SUPT3H: variants seen among roughly 807,000 people sequenced by gnomAD.
SUPT3H encodes the protein SPT3 homolog, SAGA and STAGA complex component.
SUPT3H carries 44 observed loss-of-function variants against 44.3 expected under a neutral mutation model. The observed-to-expected ratio is 0.99, with a 90% CI of 0.78 to 1.28. SUPT3H has a LOEUF of 1.28. SUPT3H is among the 50% of genes most tolerant of loss of function. SUPT3H has a pLI of 0.00. For synonymous variants in SUPT3H, 124 were observed against 125.6 expected (o/e 0.99, Z 0.09); for missense variants, 380 against 387.1 (o/e 0.98, Z 0.15).
intron 2 of SUPT3H, among the ~76,000 whole-genome samples, chr6:45,289,368 A>G (rs1361988143): frequency 2.0e-5 from 3 of 152,152 alleles, no homozygotes; most frequent in Non-Finnish European, 2.9e-5. Flanking sequence ...TTGAAATTAT[A>G]AAGTACTATA....
At chr6:44,976,430 T>G (rs1308082014) in intron 6 of SUPT3H, among the ~76,000 whole-genome samples, 1 of 152,012 alleles carries the variant, frequency 6.6e-6, no homozygotes, top group East Asian at 1.9e-4. Flanking sequence ...GGCGCAATCT[T>G]GGCTCACTGC....
intron 10 of SUPT3H, among the ~76,000 whole-genome samples, chr6:44,900,363 C>G (rs1400464056): frequency 2.0e-5 from 3 of 152,360 alleles, no homozygotes; most frequent in Admixed American, 1.3e-4. Context: ...AAACGGCACA[C>G]CAGGAGATTA....
chr6:44,932,375 T>C (rs1216755090), intron 10 of SUPT3H, among the ~76,000 whole-genome samples: 2 of 152,176 alleles, frequency 1.3e-5, no homozygotes, highest in Non-Finnish European at 2.9e-5. Flanking sequence ...AATAACGTTT[T>C]ATAAACCTAA....
intron 2 of SUPT3H, among the ~76,000 whole-genome samples, chr6:45,269,267 T>C (rs1775737165): frequency 6.6e-6 from 1 of 152,226 alleles, no homozygotes; most frequent in African/African-American, 2.4e-5. Flanking sequence ...TTGGAGCCTT[T>C]AATATGGTAC....
intron 6 of SUPT3H, among the ~76,000 whole-genome samples, chr6:44,981,091 T>C (rs1222878220): frequency 2.0e-5 from 3 of 152,200 alleles, no homozygotes; most frequent in African/African-American, 7.2e-5. Context: ...GGATCACTGC[T>C]ACTGACATGT....
intron 9 of SUPT3H, among the ~76,000 whole-genome samples, chr6:44,947,336 T>G (rs775295284): frequency 6.6e-6 from 1 of 152,128 alleles, no homozygotes; most frequent in Non-Finnish European, 1.5e-5. Context: ...AAACATATTA[T>G]GTAAACAGCA....
At position 45,305,034 on chromosome 6, in the gene SUPT3H, C is replaced by T. The variant is rs1001610471; in HGVS notation, c.101+60167G>A. ...CACAGAGGAATAGGCATTTTCTTCA[C>T]GCTTTTATATTTGCTTATTCGTTTG... On this transcript the variant is annotated intron_variant, in intron 2 of 10. Transcript: ENST00000371459. Among the ~76,000 whole-genome samples, 10 of 152,168 alleles carry T rather than the reference C, an allele frequency of 6.6e-5. No individual in the cohort carries two copies. The South Asian group carries it at 8.3e-4, about 13-fold the overall frequency.
At chr6:44,904,574 C>T (rs1384103155) in intron 10 of SUPT3H, among the ~76,000 whole-genome samples, 1 of 152,166 alleles carries the variant, frequency 6.6e-6, no homozygotes, top group Admixed American at 6.5e-5. Context: ...GAATCAATAT[C>T]ATGAAAATGG....
chr6:45,324,580 G>A (rs1786052494), intron 2 of SUPT3H, among the ~76,000 whole-genome samples: 1 of 151,662 alleles, frequency 6.6e-6, no homozygotes, highest in African/African-American at 2.4e-5. Context: ...GGAAAGAGGA[G>A]GAATGGGGGA....
chr6:45,304,531 A>G lies in SUPT3H; in HGVS notation c.101+60670T>C, dbSNP rs527454260. ...GGCTAGTATCATTTTCTAAAACTAA[A>G]CAGACTGTTAGCAGAAGTTATTTCA... On this transcript the variant is annotated intron_variant, in intron 2 of 10. Transcript: ENST00000371459. Among the ~76,000 whole-genome samples the G allele has an allele frequency of 2.6e-3, 398 of 152,328 alleles. 1 individual carries two copies. The highest frequency in any genetic ancestry group is 9.3e-3 in the African/African-American group (388 of 41,576).
chr6:45,088,408 T>C (rs543396899), intron 3 of SUPT3H, among the ~76,000 whole-genome samples: 20 of 152,162 alleles, frequency 1.3e-4, no homozygotes, highest in African/African-American at 4.1e-4. Flanking sequence ...CAAAAAATTT[T>C]TTGGCTGCCA....
chr6:45,050,278 A>AGTGTGTGTGTGTGTGT (rs57510967), intron 3 of SUPT3H, among the ~76,000 whole-genome samples: 3,387 of 147,374 alleles, frequency 0.023, 58 homozygotes, highest in South Asian at 0.064. Flanking sequence ...CTTTTTCTGC[A>AGTGTGTGTGTGTGTGT]GTGTGTGTGT....
chr6:45,265,922 A>G (rs555085043), intron 2 of SUPT3H, among the ~76,000 whole-genome samples: 8 of 152,210 alleles, frequency 5.3e-5, no homozygotes, highest in African/African-American at 1.9e-4. Context: ...AAAGTGATCA[A>G]AAAGAAACTC....
intron 10 of SUPT3H, among the ~76,000 whole-genome samples, chr6:44,832,569 C>A (rs1769016321): frequency 6.6e-6 from 1 of 152,188 alleles, no homozygotes; most frequent in Non-Finnish European, 1.5e-5. Context: ...TTCTCAACAT[C>A]AGTTGCTCCT....
intron 10 of SUPT3H, among the ~76,000 whole-genome samples, chr6:44,874,948 T>C (rs549140591): frequency 0.019 from 2,478 of 128,030 alleles, 27 homozygotes; most frequent in Non-Finnish European, 0.03. Context: ...TTACAAGGGA[T>C]GTGAAGGACC....
At chr6:45,051,143 C>T (rs899187315) in intron 3 of SUPT3H, among the ~76,000 whole-genome samples, 1 of 152,148 alleles carries the variant, frequency 6.6e-6, no homozygotes, top group Admixed American at 6.6e-5. Context: ...CCCGCCTCGG[C>T]CTCCCAAAGT....
chr6:45,013,166 C>T (rs1208157704), intron 5 of SUPT3H, among the ~76,000 whole-genome samples: 1 of 151,970 alleles, frequency 6.6e-6, no homozygotes, highest in African/African-American at 2.4e-5. Context: ...ATGTTGCCAG[C>T]CTTTAAGTTT....
rs142672141 is a variant in SUPT3H, at chr6:44,979,256, A to G, written c.505-17428T>C. On this transcript the variant is annotated intron_variant, in intron 6 of 10. Transcript: ENST00000371459. ...GAACGAATATTTTGATTAACAAAAA[A>G]GCCTAAAATCAAATCCTCCCATTTT... Among the ~76,000 whole-genome samples, 329 of 152,324 alleles carry G rather than the reference A, an allele frequency of 2.2e-3. 1 individual carries two copies. The highest frequency in any genetic ancestry group is 0.02 in the Middle Eastern group (6 of 294).
At chr6:44,869,982 T>C (rs1177827077) in intron 10 of SUPT3H, among the ~76,000 whole-genome samples, 1 of 152,244 alleles carries the variant, frequency 6.6e-6, no homozygotes, top group Admixed American at 6.5e-5. Context: ...AAGCAAATTA[T>C]ACAAGCAAGT....
Sources: gnomAD v4.1 joint callset for allele counts (sites outside exome capture counted in the v4.1 genomes callset) on GRCh38, gnomAD v4.1.1 for gene constraint, MANE v1.5 for transcripts, NCBI Gene and HGNC (gene_info 2026-07-23, HGNC 2026-07-21) for gene names.